Variants in GAS6 observed in about 807,000 individuals in gnomAD.
GAS6 encodes the protein growth arrest specific 6.
In GAS6, 41 loss-of-function variants were observed where a neutral mutation model predicts 75.8. The observed-to-expected ratio is 0.54, with a 90% confidence interval of 0.42 to 0.70. GAS6 has a LOEUF of 0.70. Among genes scored for constraint, GAS6 ranks in the 30% least tolerant of loss-of-function variants. The pLI is 0.00. For synonymous variants in GAS6, 432 were observed against 412.6 expected (o/e 1.05, Z -0.57); for missense variants, 854 against 940.2 (o/e 0.91, Z 1.20).
intron 2 of GAS6, among the ~76,000 whole-genome samples, chr13:113,856,263 G>C (rs76958531): frequency 0.096 from 14,541 of 152,244 alleles, 921 homozygotes; most frequent in East Asian, 0.17. Flanking sequence ...CCTGCACACA[G>C]AGGAGCACAC....
At chr13:113,825,390 T>C (rs1014442195) in intron 12 of GAS6, among the ~76,000 whole-genome samples, 29 of 152,090 alleles carry the variant, frequency 1.9e-4, no homozygotes, top group Non-Finnish European at 3.5e-4. Flanking sequence ...GACCCGGAGA[T>C]CTGCAAGCCT....
At chr13:113,824,822 G>A (rs534141780) in intron 12 of GAS6, among the ~76,000 whole-genome samples, 23 of 152,278 alleles carry the variant, frequency 1.5e-4, no homozygotes, top group Non-Finnish European at 1.3e-4. Flanking sequence ...ATCAGAAAAA[G>A]TAACAAAAAT....
At chr13:113,824,127 AC>A (rs751793664) in intron 12 of GAS6, among the ~76,000 whole-genome samples, 1 of 119,770 alleles carries the variant, frequency 8.3e-6, no homozygotes, top group African/African-American at 3.7e-5. Context: ...TGTCAGGAGC[AC>A]CGTGGTCTGG....
chr13:113,822,440 TG>T, intron 13 of GAS6: 1 of 410,826 alleles, frequency 2.4e-6, no homozygotes, highest in Non-Finnish European at 4.3e-6. Flanking sequence ...GCCCCCAGGT[TG>T]GGTGTGAGAG....
chr13:113,832,511 A>C lies in GAS6; in HGVS notation c.954-23T>G, dbSNP rs2051641572. On this transcript the variant is annotated intron_variant, in intron 9 of 14. Coordinates refer to ENST00000327773, the MANE Select transcript of GAS6 (RefSeq NM_000820.4). ...AGCCTGGGCACCCACAGGAGAAATG[A>C]GTCAGCACTGGGCACAGGCAGATGC... The C allele has an allele frequency of 1.9e-6, 3 of 1,594,320 alleles. No homozygotes were observed. The Admixed American group carries it at 5.1e-5, about 27-fold the overall frequency.
chr13:113,855,310 C>T (rs1397757523), intron 2 of GAS6, among the ~76,000 whole-genome samples: 1 of 152,200 alleles, frequency 6.6e-6, no homozygotes, highest in Non-Finnish European at 1.5e-5. Flanking sequence ...CCATCAGAGT[C>T]TTCCCCACAG....
intron 2 of GAS6, among the ~76,000 whole-genome samples, chr13:113,854,273 G>C (rs538086893): frequency 6.6e-6 from 1 of 152,366 alleles, no homozygotes; most frequent in African/African-American, 2.4e-5. Flanking sequence ...CCGACGTGGT[G>C]CCTGACCCGG....
chr13:113,833,418 A>C, intron 8 of GAS6: 1 of 993,418 alleles, frequency 1.0e-6, no homozygotes, highest in Non-Finnish European at 1.2e-6. Flanking sequence ...TGCGACTCCG[A>C]GAAGCTGTCC....
chr13:113,827,718 C>T (rs568975833), intron 11 of GAS6, among the ~76,000 whole-genome samples: 29 of 152,304 alleles, frequency 1.9e-4, no homozygotes, highest in African/African-American at 6.5e-4. Context: ...CACCCAAAGA[C>T]GCGAAGACAT....
In GAS6 at chr13:113,863,192, C is replaced by T. The variant is rs1308318900; in HGVS notation, c.255+383G>A. Among the ~76,000 whole-genome samples, 1 of 152,240 alleles carries T rather than the reference C, an allele frequency of 6.6e-6. No homozygotes were observed. The highest frequency in any genetic ancestry group is 1.5e-5 in the Non-Finnish European group (1 of 68,032). The stretch of plus-strand genomic sequence containing the variant: ...TCCTCTTTCGGGAGGGGACTGCTCT[C>T]CACCCCTCTCAGGAGGACGAGGCGC... On this transcript the variant is annotated intron_variant, in intron 2 of 14. Transcript: ENST00000327773. The surrounding 1 kb of genome is among the most constrained non-coding windows in gnomAD (Gnocchi z 9.4).
chr13:113,854,910 T>C (rs59615051), intron 2 of GAS6, among the ~76,000 whole-genome samples: 16,389 of 152,140 alleles, frequency 0.11, 1,212 homozygotes, highest in African/African-American at 0.2. Flanking sequence ...GGCCAGTCTG[T>C]GGGGGAGCAG....
chr13:113,858,272 CTATT>C (rs1457366166), intron 2 of GAS6, among the ~76,000 whole-genome samples: 10 of 152,146 alleles, frequency 6.6e-5, no homozygotes, highest in South Asian at 4.1e-4. Context: ...GTATATGTGT[CTATT>C]TATGTGACTG....
At position 113,839,779 on chromosome 13, in the gene GAS6, T is replaced by A. The variant is rs1273116305; in HGVS notation, c.415A>T (p.Asn139Tyr). The change falls in exon 5 of 15, where the codon AAC (asparagine) becomes TAC (tyrosine). Residue 139 changes from asparagine (N) to tyrosine (Y), a missense_variant. Coordinates refer to ENST00000327773, the MANE Select transcript of GAS6 (RefSeq NM_000820.4). ...GTQACQDLMGNFFCLCKAGWG... is the reference protein window; with the variant it reads ...GTQACQDLMGYFFCLCKAGWG... Reference sequence around the variant, plus strand: ...CCAGCTTTACACAGGCAGAAGAAGTTGCCCATGAGGTCCTGGCAGGCTTGG... The same window carrying A: ...CCAGCTTTACACAGGCAGAAGAAGTAGCCCATGAGGTCCTGGCAGGCTTGG... 1 of 1,614,024 alleles carries A rather than the reference T, an allele frequency of 6.2e-7. No individual in the cohort carries two copies. The highest frequency in any genetic ancestry group is 1.3e-5 in the African/African-American group (1 of 75,054).
Position 113,838,057 on chromosome 13 carries a change from C to T in GAS6, c.589+12G>A. 1 of 1,612,048 alleles carries T rather than the reference C, an allele frequency of 6.2e-7. No individual in the cohort carries two copies. Among genetic ancestry groups the T allele is most frequent in the Non-Finnish European group, 8.5e-7 (1 of 1,179,770 alleles). On this transcript the variant is annotated intron_variant, in intron 6 of 14. Transcript: ENST00000327773. The stretch of plus-strand genomic sequence containing the variant: ...GAGGAGAGAGGAGAGAGGCCTCACC[C>T]CAGGGCCTTACCTTGGCAGGTCCTG...
chr13:113,832,964 G>A, intron 8 of GAS6: 1 of 1,439,892 alleles, frequency 6.9e-7, no homozygotes, highest in Non-Finnish European at 9.1e-7. Context: ...GCTTCCCACA[G>A]GGCTTCTCGG....
rs1410195266 is a variant in GAS6, at chr13:113,848,110, C to T, written c.256-60G>A. On this transcript the variant is annotated intron_variant, in intron 2 of 14. Transcript: ENST00000327773. This position sits in a 1 kb window ranked among gnomAD's most constrained non-coding sequence, Gnocchi z 4.8. Reference sequence around the variant, plus strand: ...CCGGCACACTACGAGGGTCTCTGAACAACATAAGCATCAGCTGGTTAATCA... The same window carrying T: ...CCGGCACACTACGAGGGTCTCTGAATAACATAAGCATCAGCTGGTTAATCA... 2 of 1,557,586 alleles carry T rather than the reference C, an allele frequency of 1.3e-6. No homozygotes were observed. Among genetic ancestry groups the T allele is most frequent in the South Asian group, 1.1e-5 (1 of 87,244 alleles).
chr13:113,832,205 C>G, intron 10 of GAS6, 94 bp downstream of exon 10: 1 of 1,362,180 alleles, frequency 7.3e-7, no homozygotes. Flanking sequence ...GGCCCCAGAG[C>G]TCATCTCCTA....
intron 5 of GAS6, among the ~76,000 whole-genome samples, chr13:113,838,853 G>A (rs1250974765): frequency 6.7e-6 from 1 of 150,326 alleles, no homozygotes; most frequent in East Asian, 2.0e-4. Flanking sequence ...CCCGAGCAGA[G>A]AGAGATCCTA....
intron 3 of GAS6, 177 bp downstream of exon 3, chr13:113,847,849 A>C (rs540109487): frequency 2.5e-4 from 169 of 672,096 alleles, no homozygotes; most frequent in Non-Finnish European, 4.0e-4. Flanking sequence ...CTGTGGTATA[A>C]AATAAAGAGA....
Sources: gnomAD v4.1 joint callset for allele counts (sites outside exome capture counted in the v4.1 genomes callset) on GRCh38, gnomAD v4.1.1 for gene constraint, Gnocchi (gnomAD v3.1) non-coding constraint, MANE v1.5 for transcripts, NCBI Gene and HGNC (gene_info 2026-07-23, HGNC 2026-07-21) for gene names.